The following OXNAD1 variants were observed in gnomAD, a reference collection of about 807,000 sequenced individuals.
OXNAD1 encodes the protein oxidoreductase NAD-binding domain-containing protein 1.
Under a neutral mutation model 32.9 loss-of-function variants are expected in OXNAD1, and 34 were observed. That is an observed-to-expected ratio of 1.03 (90% confidence interval 0.79 to 1.38). The LOEUF is 1.38. OXNAD1 is among the 40% of genes most tolerant of loss of function. OXNAD1 has a pLI of 0.00. For synonymous variants in OXNAD1, 134 were observed against 135.2 expected (o/e 0.99, Z 0.06); for missense variants, 407 against 379.4 (o/e 1.07, Z -0.60).
Position 16,294,856 on chromosome 3 carries a change from G to T in OXNAD1, c.291G>T (p.Trp97Cys), listed in dbSNP as rs768270963. ...ATCATTTATTTGGCTTTCTTTTTAG[G>T]GTTGATTTCTTTATTCCAGGAGTCT... ...DQDFSFKAGQ[W>C]VDFFIPGVSV... Residue 97 changes from tryptophan to cysteine, a missense_variant and splice_region_variant, in exon 6 of 9, where the codon TGG becomes TGT. Transcript: ENST00000285083. 8 of 1,589,268 alleles carry T rather than the reference G, an allele frequency of 5.0e-6. No homozygotes were observed. Among genetic ancestry groups the T allele is most frequent in the East Asian group, 4.6e-5 (2 of 43,842 alleles).
At chr3:16,337,785 A>G (rs188931342), downstream of OXNAD1, among the ~76,000 whole-genome samples, 1 of 151,538 alleles carries the variant, frequency 6.6e-6, no homozygotes, top group East Asian at 1.9e-4. This position sits in a 1 kb window ranked among gnomAD's most constrained non-coding sequence, Gnocchi z 5.0. Flanking sequence ...ATTTGATTTG[A>G]GAGAAATACA....
chr3:16,318,109 A>C (rs1336034531), intron 9 of OXNAD1, among the ~76,000 whole-genome samples: 1 of 152,156 alleles, frequency 6.6e-6, no homozygotes, highest in Non-Finnish European at 1.5e-5. Flanking sequence ...CGCGGCCAGT[A>C]ATAGAGTTGG....
In OXNAD1 at chr3:16,334,116, G is replaced by C. The variant is rs2070614830; in HGVS notation, c.*31-2996G>C. On this transcript the variant is annotated intron_variant, in intron 9 of 9. Transcript: ENST00000435829. This position sits in a 1 kb window ranked among gnomAD's most constrained non-coding sequence, Gnocchi z 4.3. ...GGAGGCAGAAGCTGCAGTGAGCCGA[G>C]ATCGTGCCACTGCACTCCAGCCTGG... Among the ~76,000 whole-genome samples the C allele has an allele frequency of 6.6e-6, 1 of 152,168 alleles. No individual in the cohort carries two copies. Among genetic ancestry groups the C allele is most frequent in the Non-Finnish European group, 1.5e-5 (1 of 68,030 alleles).
chr3:16,352,033 A>G (rs2072138912), downstream of OXNAD1, among the ~76,000 whole-genome samples: 1 of 152,248 alleles, frequency 6.6e-6, no homozygotes. The surrounding 1 kb of genome is among the most constrained non-coding windows in gnomAD (Gnocchi z 4.6). Flanking sequence ...TCAACTCAAA[A>G]AGACTGGCAA....
intron 9 of OXNAD1, among the ~76,000 whole-genome samples, chr3:16,347,010 A>G (rs1231347712): frequency 6.6e-6 from 1 of 152,224 alleles, no homozygotes; most frequent in Non-Finnish European, 1.5e-5. Context: ...ATTTCCTGCT[A>G]TGAACGGTGG....
In OXNAD1 at chr3:16,345,788, CTGTGTG is replaced by C. The variant is rs370820242; in HGVS notation, c.*31-3363_*31-3358del. On this transcript the variant is annotated intron_variant, in intron 9 of 9. Transcript: ENST00000606098. The surrounding 1 kb of genome is among the most constrained non-coding windows in gnomAD (Gnocchi z 5.2). ...TGAGCCAAAACCTTATAATAAATCT[CTGTGTG>C]TGTGTGTGTGTGTGTGTGTGTGTGC... Among the ~76,000 whole-genome samples, 823 of 127,242 alleles carry C rather than the reference CTGTGTG, an allele frequency of 6.5e-3. 6 individuals are homozygous for C. The highest frequency in any genetic ancestry group is 0.013 in the Middle Eastern group (3 of 238). 83.5% of individuals were successfully genotyped at this position (127,242 alleles called of 152,430 possible).
chr3:16,340,840 AAAGT>A (rs2071270268), downstream of OXNAD1, among the ~76,000 whole-genome samples: 1 of 152,206 alleles, frequency 6.6e-6, no homozygotes, highest in Non-Finnish European at 1.5e-5. Flanking sequence ...CTAGTTTCAA[AAAGT>A]AAGGCCCTCA....
At position 16,289,194 on chromosome 3, in the gene OXNAD1, C is replaced by G. The variant is rs551709888; in HGVS notation, c.290+2746C>G. Among the ~76,000 whole-genome samples, 6 of 152,312 alleles carry G rather than the reference C, an allele frequency of 3.9e-5. No individual in the cohort carries two copies. The highest frequency in any genetic ancestry group is 6.5e-5 in the Admixed American group (1 of 15,298). ...TAATAAGTATTTCATTCAGTTAGATCATATGTGCTGATAAGGCCCAGGGGA... is the reference window on the plus strand; with the variant it reads ...TAATAAGTATTTCATTCAGTTAGATGATATGTGCTGATAAGGCCCAGGGGA... On this transcript the variant is annotated intron_variant, in intron 5 of 8. Transcript: ENST00000285083. The surrounding 1 kb of genome is among the most constrained non-coding windows in gnomAD (Gnocchi z 4.9).
chr3:16,340,350 G>A (rs926876350), downstream of OXNAD1, among the ~76,000 whole-genome samples: 1 of 152,232 alleles, frequency 6.6e-6, no homozygotes, highest in African/African-American at 2.4e-5. Flanking sequence ...AAGAGGTTCA[G>A]GTTAGCTTAC....
At position 16,271,237 on chromosome 3, in the gene OXNAD1, T is replaced by C; in HGVS notation, c.119+166T>C. The C allele has an allele frequency of 1.2e-6, 1 of 818,770 alleles. No homozygotes were observed. Among genetic ancestry groups the C allele is most frequent in the Non-Finnish European group, 1.9e-6 (1 of 531,060 alleles). 50.7% of individuals were successfully genotyped at this position (818,770 alleles called of 1,614,324 possible). Reference sequence around the variant, plus strand: ...TTTTTTGTCTGAGATGGAGTCTTGCTCCGTCGCCTGGGCTGGAGTGCAGTG... The same window carrying C: ...TTTTTTGTCTGAGATGGAGTCTTGCCCCGTCGCCTGGGCTGGAGTGCAGTG... On this transcript the variant is annotated intron_variant, in intron 3 of 8. Transcript: ENST00000285083. The surrounding 1 kb of genome is among the most constrained non-coding windows in gnomAD (Gnocchi z 4.6).
chr3:16,271,643 T>C lies in OXNAD1; in HGVS notation c.120-16T>C, dbSNP rs751333373. On this transcript the variant is annotated splice_polypyrimidine_tract_variant and intron_variant, in intron 3 of 8. Coordinates refer to ENST00000285083, the MANE Select transcript of OXNAD1 (RefSeq NM_138381.5). This position sits in a 1 kb window ranked among gnomAD's most constrained non-coding sequence, Gnocchi z 4.6. ...GAGGATAATATGTAATAACCTAATTTTACTTTCTATTAAAGCATAATGAAA... is the reference window on the plus strand; with the variant it reads ...GAGGATAATATGTAATAACCTAATTCTACTTTCTATTAAAGCATAATGAAA... 8 of 1,568,628 alleles carry C rather than the reference T, an allele frequency of 5.1e-6. No homozygotes were observed. The highest frequency in any genetic ancestry group is 8.6e-7 in the Non-Finnish European group (1 of 1,158,588).
At chr3:16,340,374 A>T (rs537293060), downstream of OXNAD1, among the ~76,000 whole-genome samples, 49 of 152,406 alleles carry the variant, frequency 3.2e-4, no homozygotes, top group Admixed American at 9.1e-4. Flanking sequence ...ATGTTAAGAT[A>T]CACAAGGCTC....
At chr3:16,323,622 T>G (rs2069338012) in intron 9 of OXNAD1, among the ~76,000 whole-genome samples, 1 of 152,156 alleles carries the variant, frequency 6.6e-6, no homozygotes, top group South Asian at 2.1e-4. Context: ...CCATCCAACC[T>G]TGCTTCCGAG....
chr3:16,326,862 C>T (rs564304334), intron 9 of OXNAD1: 2 of 1,613,702 alleles, frequency 1.2e-6, no homozygotes, highest in African/African-American at 1.3e-5. Flanking sequence ...CGTAGTCTGT[C>T]TGCACTTCGA....
rs976084096 is a variant in OXNAD1 at position 16,322,063 on chromosome 3, G to T, written c.*31-15049G>T. 1.3e-5 allele frequency among the ~76,000 whole-genome samples: 2 copies of T among 152,210 alleles called. No individual in the cohort carries two copies. The highest frequency in any genetic ancestry group is 2.9e-5 in the Non-Finnish European group (2 of 68,032). Reference sequence around the variant, plus strand: ...CTGACAGGGGCCCTTTGCGTGCTGTGTGTTGAATGTTGCACTTGCTGAATG... The same window carrying T: ...CTGACAGGGGCCCTTTGCGTGCTGTTTGTTGAATGTTGCACTTGCTGAATG... On this transcript the variant is annotated intron_variant, in intron 9 of 9. Coordinates refer to the OXNAD1 transcript ENST00000435829. This position sits in a 1 kb window ranked among gnomAD's most constrained non-coding sequence, Gnocchi z 6.2.
At position 16,304,903 on chromosome 3, in the gene OXNAD1, G is replaced by C. The variant is rs1013354450; in HGVS notation, c.*1341G>C. The C allele has an allele frequency of 1.4e-4, 21 of 152,312 alleles. No homozygotes were observed. Among genetic ancestry groups the C allele is most frequent in the African/African-American group, 5.1e-4 (21 of 41,568 alleles). The allele number at this position is 152,312 out of a possible 1,614,324, so 9.4% of individuals were successfully genotyped here. ...GTGACTCTAGCTTCTGCCCAGTTTT[G>C]AGTTTTGTCAAGTTTTAAGCAGAGA... On this transcript the variant is annotated 3_prime_UTR_variant, in exon 9 of 9. Coordinates refer to ENST00000285083, the MANE Select transcript of OXNAD1 (RefSeq NM_138381.5). The surrounding 1 kb of genome is among the most constrained non-coding windows in gnomAD (Gnocchi z 4.6).
rs1376809623 is a variant in OXNAD1, at chr3:16,335,856, G to A, written c.*31-1256G>A. Among the ~76,000 whole-genome samples the A allele has an allele frequency of 1.3e-5, 2 of 152,140 alleles. No homozygotes were observed. The highest frequency in any genetic ancestry group is 6.5e-5 in the Admixed American group (1 of 15,280). On this transcript the variant is annotated intron_variant, in intron 9 of 9. Transcript: ENST00000435829. This position sits in a 1 kb window ranked among gnomAD's most constrained non-coding sequence, Gnocchi z 4.7. ...CAAGTCACAAGGAGCCTGGAAACTG[G>A]ATGGATGGATGGTGAGGTCTCAGGA... is the stretch of plus-strand genomic sequence containing the variant.
chr3:16,317,651 C>T lies in OXNAD1; in HGVS notation c.*30+14059C>T, dbSNP rs1012071846. Among the ~76,000 whole-genome samples the T allele has an allele frequency of 4.6e-5, 7 of 152,160 alleles. No homozygotes were observed. The highest frequency in any genetic ancestry group is 2.6e-4 in the Admixed American group (4 of 15,274). ...TGAGCAGGCTGAGGATTACCAGGCA[C>T]GGGGCTGGCATTCTCTCACTAGGTC... On this transcript the variant is annotated intron_variant, in intron 9 of 9. Coordinates refer to the OXNAD1 transcript ENST00000435829. This position sits in a 1 kb window ranked among gnomAD's most constrained non-coding sequence, Gnocchi z 4.3.
At chr3:16,349,513 A>C (rs1233493952) in exon 10 of OXNAD1, 2 of 152,276 alleles carry the variant, frequency 1.3e-5, no homozygotes, top group Admixed American at 1.3e-4. Context: ...CTAGAATGAG[A>C]TGAGGTATGT....
Sources: allele counts gnomAD v4.1 joint callset (sites outside exome capture counted in the v4.1 genomes callset), GRCh38; gene constraint gnomAD v4.1.1; non-coding constraint Gnocchi (gnomAD v3.1); transcripts MANE v1.5; gene names NCBI Gene and HGNC (gene_info 2026-07-23, HGNC 2026-07-21).